JMY: variants seen among roughly 807,000 people sequenced by gnomAD.
JMY encodes junction mediating and regulatory protein, p53 cofactor.
A neutral mutation model predicts 103.3 loss-of-function variants in JMY; 46 were observed. That is an observed-to-expected ratio of 0.45 (90% CI 0.35 to 0.57). The LOEUF (loss-of-function observed/expected upper bound fraction) is 0.57. Among genes scored for constraint, JMY ranks in the 20% least tolerant of loss-of-function variants. JMY has a pLI of 0.00. For synonymous variants in JMY, 526 were observed against 489.3 expected, an observed-to-expected ratio of 1.07 and a Z score of -0.99; for missense variants, 1,238 against 1,255.2, an observed-to-expected ratio of 0.99 and a Z score of 0.21.
At position 79,237,479 on chromosome 5, in the gene JMY, A is replaced by G. The variant is rs79228520; in HGVS notation, c.829A>G (p.Met277Val). 3.5e-5 allele frequency: 56 copies of G among 1,613,514 alleles called. No individual in the cohort carries two copies. Among genetic ancestry groups the G allele is most frequent in the Non-Finnish European group, 4.7e-5 (55 of 1,179,904 alleles). The change falls in exon 1 of 11, where the codon ATG (methionine) becomes GTG (valine). Residue 277 changes from methionine (M) to valine (V), a missense_variant. Coordinates refer to ENST00000396137, the MANE Select transcript of JMY (RefSeq NM_152405.5). ...WTVLFGGAPE[M>V]TEQEIDTLCY... is the part of the protein sequence containing the mutation. Reference sequence around the variant, plus strand: ...TGTGCTGTTTGGGGGCGCCCCCGAGATGACCGAGCAGGAAATCGACACTCT... The same window carrying G: ...TGTGCTGTTTGGGGGCGCCCCCGAGGTGACCGAGCAGGAAATCGACACTCT...
At position 79,316,458 on chromosome 5, in the gene JMY, G is replaced by A. The variant is rs184797732; in HGVS notation, c.*3+148G>A. ...TGGATCACAAATTTATGAACTTCAG[G>A]TTTTACTTAATTCTGTAGTTTCTAG... On this transcript the variant is annotated intron_variant, in intron 10 of 10. Transcript: ENST00000396137. The A allele has an allele frequency of 1.3e-3, 759 of 600,826 alleles. 6 individuals carry two copies. The highest frequency in any genetic ancestry group is 0.011 in the African/African-American group (620 of 53,960). 37.2% of individuals were successfully genotyped at this position (600,826 alleles called of 1,614,324 possible).
At chr5:79,238,617 T>G (rs139548066) in intron 1 of JMY, among the ~76,000 whole-genome samples, 2 of 150,448 alleles carry the variant, frequency 1.3e-5, no homozygotes, top group Non-Finnish European at 3.0e-5. Flanking sequence ...TTGAGATTGG[T>G]GGAGAAATGC....
chr5:79,248,210 A>G (rs528544279), intron 1 of JMY, among the ~76,000 whole-genome samples: 87 of 152,088 alleles, frequency 5.7e-4, no homozygotes, highest in South Asian at 1.2e-3. Context: ...TTGTATTTTT[A>G]GTAGAGACGG....
chr5:79,238,340 C>A (rs1278975999), intron 1 of JMY, among the ~76,000 whole-genome samples: 1 of 151,522 alleles, frequency 6.6e-6, no homozygotes, highest in East Asian at 1.9e-4. Flanking sequence ...CAGGAATGTT[C>A]GTTGTATTTT....
In JMY at chr5:79,314,308, G is replaced by A. The variant is rs768978031; in HGVS notation, c.2116G>A (p.Ala706Thr). 7.4e-6 allele frequency: 12 copies of A among 1,614,066 alleles called. No individual in the cohort carries two copies. The highest frequency in any genetic ancestry group is 2.7e-5 in the African/African-American group (2 of 74,944). Reference protein sequence around the residue: ...LKSTRLRLAHARRKGAASPVL... With the variant: ...LKSTRLRLAHTRRKGAASPVL... ...ATCAACCAGATTACGACTAGCTCAT[G>A]CAAGAAGAAAAGGTGCAGCAAGTCC... The change falls in exon 9 of 11, where the codon GCA becomes ACA. Residue 706 changes from alanine (A) to threonine (T), a missense_variant. Ala to Thr is a moderately conservative substitution (Grantham distance 58). Coordinates refer to ENST00000396137, the MANE Select transcript of JMY (RefSeq NM_152405.5).
chr5:79,277,343 T>C (rs1207350532), intron 1 of JMY, among the ~76,000 whole-genome samples: 2 of 151,688 alleles, frequency 1.3e-5, no homozygotes, highest in Admixed American at 1.3e-4. Flanking sequence ...GAAAATTTTT[T>C]GGGCTGGGTC....
chr5:79,322,061 G>A lies in JMY; in HGVS notation c.*459G>A, dbSNP rs1372633491. 2 of 152,168 alleles carry A rather than the reference G, an allele frequency of 1.3e-5. No homozygotes were observed. The highest frequency in any genetic ancestry group is 4.8e-5 in the African/African-American group (2 of 41,432). 9.4% of individuals were successfully genotyped at this position (152,168 alleles called of 1,614,324 possible). A position where few individuals can be genotyped will look rare whatever the true frequency, so the allele number is the denominator to read the frequency against. On this transcript the variant is annotated 3_prime_UTR_variant, in exon 11 of 11. Transcript: ENST00000396137. ...CATATCAGCTTATATTAAATACTGT[G>A]ACACTCTGAGAAAGTTTATCATCAT...
intron 1 of JMY, among the ~76,000 whole-genome samples, chr5:79,271,202 T>C (rs1034485689): frequency 4.6e-5 from 7 of 151,870 alleles, no homozygotes; most frequent in Middle Eastern, 3.4e-3. Context: ...TTTTTTTTTT[T>C]TTTTAAATTT....
At chr5:79,263,010 A>G (rs1270393419) in intron 1 of JMY, among the ~76,000 whole-genome samples, 1 of 152,226 alleles carries the variant, frequency 6.6e-6, no homozygotes, top group Non-Finnish European at 1.5e-5. Flanking sequence ...AAGAGCCCAA[A>G]GAAGCCTAGT....
chr5:79,272,112 T>TAA (rs758443549), intron 1 of JMY, among the ~76,000 whole-genome samples: 21 of 135,856 alleles, frequency 1.5e-4, no homozygotes, highest in African/African-American at 3.8e-4. Flanking sequence ...ATTCTGTCTT[T>TAA]AAAAAAAAAA....
chr5:79,241,893 C>T (rs2112041897), intron 1 of JMY, among the ~76,000 whole-genome samples: 1 of 152,108 alleles, frequency 6.6e-6, no homozygotes, highest in South Asian at 2.1e-4. Context: ...CAGCAGTAGC[C>T]TTGGTTGTTG....
intron 2 of JMY, among the ~76,000 whole-genome samples, chr5:79,286,167 T>G (rs902052868): frequency 1.3e-5 from 2 of 152,150 alleles, no homozygotes; most frequent in Non-Finnish European, 2.9e-5. Flanking sequence ...GGCTGCAACA[T>G]TAAAGCTACG....
intron 2 of JMY, among the ~76,000 whole-genome samples, chr5:79,279,919 C>G (rs1242024705): frequency 6.6e-6 from 1 of 152,164 alleles, no homozygotes; most frequent in Non-Finnish European, 1.5e-5. Context: ...TCTCAGCTCA[C>G]TGCAGTCTCG....
At chr5:79,269,918 A>G (rs1408231389) in intron 1 of JMY, among the ~76,000 whole-genome samples, 1 of 151,840 alleles carries the variant, frequency 6.6e-6, no homozygotes, top group East Asian at 1.9e-4. Flanking sequence ...TTTTGTATAC[A>G]TGATGTCCTA....
Position 79,290,128 on chromosome 5 carries a change from T to C in JMY, c.1214T>C (p.Met405Thr). The stretch of plus-strand genomic sequence containing the variant: ...TTCTTTTTCTCTCTGAAGATTTCCA[T>C]GGAGAATGATTATCTGGGACCTCGA... The part of the protein sequence containing the change: ...MLRRQQIKIS[M>T]ENDYLGPRRI... Residue 405 changes from methionine to threonine, a missense_variant, in exon 3 of 11, where the codon ATG (methionine) becomes ACG (threonine). Met to Thr is a moderately conservative substitution (Grantham distance 81, BLOSUM62 -1). Coordinates refer to ENST00000396137, the MANE Select transcript of JMY (RefSeq NM_152405.5). 1 of 1,572,554 alleles carries C rather than the reference T, an allele frequency of 6.4e-7. No individual in the cohort carries two copies. Among genetic ancestry groups the C allele is most frequent in the Non-Finnish European group, 8.6e-7 (1 of 1,163,620 alleles).
At chr5:79,309,345 T>A (rs1746976673) in intron 7 of JMY, among the ~76,000 whole-genome samples, 1 of 152,078 alleles carries the variant, frequency 6.6e-6, no homozygotes, top group South Asian at 2.1e-4. Context: ...GCTAAGAATA[T>A]TAGGAAGTTC....
At chr5:79,295,788 T>G (rs115934111) in intron 4 of JMY, among the ~76,000 whole-genome samples, 103 of 152,270 alleles carry the variant, frequency 6.8e-4, no homozygotes, top group African/African-American at 2.4e-3. Context: ...GAGATTGGTT[T>G]TTAGTTTTCA....
chr5:79,290,092 T>G (rs1746377858), intron 2 of JMY, 29 bp from the exon 3 acceptor site: 25 of 1,534,834 alleles, frequency 1.6e-5, no homozygotes, highest in Non-Finnish European at 2.2e-5. Context: ...AGACTTGAAC[T>G]TCTTAATTTT....
At chr5:79,319,433 T>G (rs905606468) in intron 10 of JMY, among the ~76,000 whole-genome samples, 3 of 152,194 alleles carry the variant, frequency 2.0e-5, no homozygotes, top group Admixed American at 1.3e-4. Flanking sequence ...ATGGACTGAT[T>G]AGGCAGTGAT....
Sources: gnomAD v4.1 joint callset for allele counts (sites outside exome capture counted in the v4.1 genomes callset) on GRCh38, gnomAD v4.1.1 for gene constraint, MANE v1.5 for transcripts, NCBI Gene and HGNC (gene_info 2026-07-23, HGNC 2026-07-21) for gene names.